TTLL6: variants seen among roughly 807,000 people sequenced by gnomAD.
TTLL6 encodes tubulin tyrosine ligase like 6.
Under a neutral mutation model 96.4 loss-of-function variants are expected in TTLL6, and 75 were observed. That is an observed-to-expected ratio of 0.78 (90% confidence interval 0.65 to 0.94). TTLL6 has a LOEUF of 0.94. Among genes scored for constraint, TTLL6 ranks in the 40% least tolerant of loss-of-function variants. TTLL6 has a pLI of 0.00. For missense variants in TTLL6, 1,030 were observed against 1,093.0 expected (o/e 0.94, Z 0.81); for synonymous variants, 411 against 419.4 (o/e 0.98, Z 0.24).
intron 10 of TTLL6, 131 bp from the exon 11 acceptor site, chr17:48,788,130 G>T: frequency 1.2e-6 from 1 of 810,008 alleles, no homozygotes; most frequent in Non-Finnish European, 2.0e-6. Flanking sequence ...ATCAGGATTT[G>T]CTAAATAAAT....
intron 13 of TTLL6, among the ~76,000 whole-genome samples, chr17:48,775,310 A>G (rs984637105): frequency 1.3e-5 from 2 of 152,004 alleles, no homozygotes; most frequent in Admixed American, 6.6e-5. Context: ...TTAGACATAA[A>G]ATTTCCCAAC....
At chr17:48,801,029 T>G (rs1362480125) in intron 5 of TTLL6, among the ~76,000 whole-genome samples, 1 of 152,230 alleles carries the variant, frequency 6.6e-6, no homozygotes, top group African/African-American at 2.4e-5. Context: ...CAACTGCACG[T>G]ACAGGCTCCA....
At chr17:48,778,206 G>A (rs2099733501) in intron 13 of TTLL6, among the ~76,000 whole-genome samples, 1 of 151,526 alleles carries the variant, frequency 6.6e-6, no homozygotes, top group African/African-American at 2.4e-5. Flanking sequence ...GAACCCGAGA[G>A]GCAGAGGTTG....
chr17:48,773,446 C>T (rs1473781588), intron 13 of TTLL6, among the ~76,000 whole-genome samples: 1 of 152,194 alleles, frequency 6.6e-6, no homozygotes, highest in Non-Finnish European at 1.5e-5. Context: ...CACCCAGACA[C>T]ATTACAGGCT....
At chr17:48,778,960 G>A (rs866196290) in intron 13 of TTLL6, among the ~76,000 whole-genome samples, 3 of 151,118 alleles carry the variant, frequency 2.0e-5, no homozygotes, top group Non-Finnish European at 4.4e-5. Flanking sequence ...AGCCAGGAAC[G>A]GTGGTGAGGG....
intron 8 of TTLL6, among the ~76,000 whole-genome samples, chr17:48,791,915 A>G (rs536319009): frequency 2.4e-4 from 36 of 152,332 alleles, no homozygotes; most frequent in Admixed American, 2.0e-3. Flanking sequence ...ATGAGTCAAG[A>G]AAACCCCCTG....
intron 15 of TTLL6, 106 bp from the exon 16 acceptor site, chr17:48,763,079 G>T (rs1314360098): frequency 2.7e-6 from 1 of 366,634 alleles, no homozygotes; most frequent in Admixed American, 3.7e-5. Flanking sequence ...ATCAAGAGAC[G>T]CTTAGGTGAC....
chr17:48,801,415 T>A, intron 4 of TTLL6, 30 bp from the exon 5 acceptor site: 1 of 1,551,452 alleles, frequency 6.4e-7, no homozygotes, highest in Non-Finnish European at 8.7e-7. Context: ...TCATGAGCAA[T>A]CGAGGGACAT....
intron 10 of TTLL6, 130 bp downstream of exon 10, chr17:48,789,801 C>T: frequency 4.3e-6 from 4 of 928,434 alleles, no homozygotes; most frequent in Non-Finnish European, 6.2e-6. Context: ...AGGTGATCTG[C>T]CTGCCTCAGC....
intron 13 of TTLL6, among the ~76,000 whole-genome samples, chr17:48,784,643 G>A (rs1407935421): frequency 6.6e-6 from 1 of 152,144 alleles, no homozygotes; most frequent in African/African-American, 2.4e-5. Flanking sequence ...AGAATAAACG[G>A]TGTTGCCTCC....
At position 48,801,632 on chromosome 17, in the gene TTLL6, C is replaced by T. The variant is rs1367497390; in HGVS notation, c.373G>A (p.Ala125Thr). The T allele has an allele frequency of 2.6e-6, 4 of 1,551,502 alleles. No individual in the cohort carries two copies. The highest frequency in any genetic ancestry group is 2.0e-5 in the Admixed American group (1 of 50,982). ...CCCTCTCTAAAGCCGTACTGTTGGGCAGCCCTGCGCACTATTGAAGAAAGA... is the reference window on the plus strand; with the variant it reads ...CCCTCTCTAAAGCCGTACTGTTGGGTAGCCCTGCGCACTATTGAAGAAAGA... ...SCRYESVRRA[A>T]QQYGFREGGE... Residue 125 changes from alanine to threonine, a missense_variant, in exon 4 of 16, where the codon GCC becomes ACC. Ala to Thr is a moderately conservative substitution (Grantham distance 58, BLOSUM62 0). Transcript: ENST00000393382.
chr17:48,804,097 C>A, intron 2 of TTLL6, 169 bp from the exon 3 acceptor site: 1 of 674,204 alleles, frequency 1.5e-6, no homozygotes, highest in Admixed American at 2.3e-5. Flanking sequence ...CAAGGGGGTA[C>A]AGCATGGTGG....
chr17:48,804,127 C>T (rs116152329), intron 2 of TTLL6, 199 bp from the exon 3 acceptor site: 12,781 of 624,714 alleles, frequency 0.02, 170 homozygotes, highest in Middle Eastern at 0.05. Context: ...CATCAGGGTA[C>T]TATTACTCTA....
chr17:48,810,825 G>GTATGTATA (rs1555569644), intron 1 of TTLL6, among the ~76,000 whole-genome samples: 1 of 84,354 alleles, frequency 1.2e-5, no homozygotes, highest in Non-Finnish European at 2.5e-5. Flanking sequence ...GTATGTGTGT[G>GTATGTATA]TATATATATA....
intron 15 of TTLL6, among the ~76,000 whole-genome samples, chr17:48,768,235 T>C (rs1251253229): frequency 6.6e-6 from 1 of 151,690 alleles, no homozygotes; most frequent in South Asian, 2.1e-4. Context: ...GCTAGGACCA[T>C]AGGCATGCTC....
In TTLL6 at chr17:48,769,738, A is replaced by G. The variant is rs2038694634; in HGVS notation, c.2400T>C (p.Asn800=). 1.2e-6 allele frequency: 2 copies of G among 1,613,806 alleles called. No homozygotes were observed. The highest frequency in any genetic ancestry group is 1.7e-6 in the Non-Finnish European group (2 of 1,179,844). Residue 800 remains asparagine (N), a synonymous_variant, in exon 14 of 16, where the codon AAT becomes AAC. Coordinates refer to ENST00000393382, the MANE Select transcript of TTLL6 (RefSeq NM_001130918.3). ...CACACTGGCACTCACGTGACAGGTTATTCATCCCCAGCTTGGGGTTGTAGT... is the reference window on the plus strand; with the variant it reads ...CACACTGGCACTCACGTGACAGGTTGTTCATCCCCAGCTTGGGGTTGTAGT... ...PAHYNPKLGM[N]NLSQNPSLPG...
intron 9 of TTLL6, among the ~76,000 whole-genome samples, chr17:48,791,074 C>T (rs767322739): frequency 6.6e-6 from 1 of 152,160 alleles, no homozygotes; most frequent in African/African-American, 2.4e-5. Flanking sequence ...TGAAAAACGC[C>T]CCTTTCTGGG....
At position 48,785,086 on chromosome 17, in the gene TTLL6, G is replaced by A; in HGVS notation, c.1877C>T (p.Ala626Val). 1 of 1,614,150 alleles carries A rather than the reference G, an allele frequency of 6.2e-7. No individual in the cohort carries two copies. The highest frequency in any genetic ancestry group is 1.3e-5 in the African/African-American group (1 of 75,046). The part of the protein sequence containing the change: ...SLNQEAPTEE[A>V]SSVFPKLTSA... ...CGTCAGCTTGGGGAAAACAGAGCTGGCCTCCTCCGTGGGAGCCTCCTGGTT... is the reference window on the plus strand; with the variant it reads ...CGTCAGCTTGGGGAAAACAGAGCTGACCTCCTCCGTGGGAGCCTCCTGGTT... The change falls in exon 13 of 16, where the codon GCC becomes GTC. Residue 626 changes from alanine to valine, a missense_variant. Coordinates refer to ENST00000393382, the MANE Select transcript of TTLL6 (RefSeq NM_001130918.3).
chr17:48,809,909 G>T, intron 1 of TTLL6, among the ~76,000 whole-genome samples: 1 of 151,914 alleles, frequency 6.6e-6, no homozygotes. Context: ...CAGCACTTTG[G>T]GAGGCCTCAA....
Sources: allele counts gnomAD v4.1 joint callset (sites outside exome capture counted in the v4.1 genomes callset), GRCh38; gene constraint gnomAD v4.1.1; transcripts MANE v1.5; gene names NCBI Gene and HGNC (gene_info 2026-07-23, HGNC 2026-07-21).